Variants in C6 observed in about 807,000 individuals in gnomAD.
The protein encoded by C6 is complement C6.
Under a neutral mutation model 112.9 loss-of-function variants are expected in C6, and 101 were observed. The ratio of observed to expected loss-of-function variants is 0.89; its 90% CI spans 0.76 to 1.06. The LOEUF is 1.06. C6 is among the 50% of genes least tolerant of loss of function. The pLI, the probability that C6 is intolerant of heterozygous loss-of-function variation, is 0.00. For missense variants in C6, 1,202 were observed against 1,104.6 expected (o/e 1.09, Z -1.25); for synonymous variants, 431 against 384.1 (o/e 1.12, Z -1.43).
chr5:41,252,514 T>G (rs547180796), intron 1 of C6, among the ~76,000 whole-genome samples: 1 of 152,312 alleles, frequency 6.6e-6, no homozygotes, highest in East Asian at 1.9e-4. Flanking sequence ...CTGATATAGA[T>G]AGCATCTAAT....
upstream of C6, among the ~76,000 whole-genome samples, chr5:41,216,878 A>C (rs1752213697): frequency 6.6e-6 from 1 of 152,132 alleles, no homozygotes; most frequent in African/African-American, 2.4e-5. Flanking sequence ...TCTCAGTGTT[A>C]TTCTTTTAAG....
chr5:41,148,905 G>A (rs1458940375), intron 17 of C6, among the ~76,000 whole-genome samples: 1 of 152,176 alleles, frequency 6.6e-6, no homozygotes, highest in African/African-American at 2.4e-5. Context: ...AGGAAACTTA[G>A]ACAATTCTGG....
chr5:41,234,016 T>C lies in C6; in HGVS notation c.-21+27178A>G, dbSNP rs113958772. Among the ~76,000 whole-genome samples, 837 of 152,226 alleles carry C rather than the reference T, an allele frequency of 5.5e-3. 6 individuals are homozygous for C. The highest frequency in any genetic ancestry group is 0.019 in the African/African-American group (796 of 41,568). The stretch of plus-strand genomic sequence containing the variant: ...AATATTAAAATAAAAACCTTCAAAG[T>C]ATTGCTATATATGATACATAGATGA... On this transcript the variant is annotated intron_variant, in intron 1 of 17. Transcript: ENST00000263413.
intron 1 of C6, among the ~76,000 whole-genome samples, chr5:41,243,313 T>C (rs916887903): frequency 1.3e-5 from 2 of 152,240 alleles, no homozygotes; most frequent in Admixed American, 6.5e-5. Flanking sequence ...ATTTTTATTG[T>C]GTGATTTTTA....
At chr5:41,217,771 C>G (rs6414892), upstream of C6, among the ~76,000 whole-genome samples, 132,979 of 152,016 alleles carry the variant, frequency 0.87, 58,271 homozygotes, top group Admixed American at 0.93. Context: ...TAGGATTATA[C>G]AGAAACTTAG....
At chr5:41,181,651 G>A in intron 6 of C6, 92 bp from the exon 7 acceptor site, 1 of 1,056,136 alleles carries the variant, frequency 9.5e-7, no homozygotes, top group South Asian at 1.4e-5. Flanking sequence ...ATTTATTTAT[G>A]CACTCAGCCA....
At chr5:41,145,892 G>A (rs1412252058) in intron 17 of C6, among the ~76,000 whole-genome samples, 2 of 152,092 alleles carry the variant, frequency 1.3e-5, no homozygotes, top group Non-Finnish European at 2.9e-5. Context: ...AATGTTCTTT[G>A]CTTAATTATT....
chr5:41,215,165 G>A (rs563389643), upstream of C6, among the ~76,000 whole-genome samples: 86 of 152,222 alleles, frequency 5.6e-4, no homozygotes, highest in African/African-American at 1.9e-3. Flanking sequence ...TAGGAATAAA[G>A]TCACACAATT....
intron 1 of C6, among the ~76,000 whole-genome samples, chr5:41,209,920 G>T (rs1751758458): frequency 6.6e-6 from 1 of 152,096 alleles, no homozygotes; most frequent in Non-Finnish European, 1.5e-5. Context: ...ACAATCCTAA[G>T]CCAAAAGAAC....
intron 1 of C6, among the ~76,000 whole-genome samples, chr5:41,239,823 C>A (rs1334963529): frequency 6.6e-6 from 1 of 152,068 alleles, no homozygotes; most frequent in Non-Finnish European, 1.5e-5. Flanking sequence ...TCAGTTTTTG[C>A]TTGTCTAGGA....
upstream of C6, among the ~76,000 whole-genome samples, chr5:41,214,396 G>A (rs1382071064): frequency 6.6e-6 from 1 of 152,048 alleles, no homozygotes. Context: ...AACACAGCTG[G>A]GAACCCACCA....
intron 6 of C6, among the ~76,000 whole-genome samples, chr5:41,183,760 G>C (rs1231074258): frequency 6.6e-6 from 1 of 152,146 alleles, no homozygotes; most frequent in African/African-American, 2.4e-5. Context: ...ATTGGATAAA[G>C]ATAATGTGGT....
chr5:41,204,555 A>G (rs981324739), intron 1 of C6, among the ~76,000 whole-genome samples: 88 of 152,170 alleles, frequency 5.8e-4, no homozygotes, highest in African/African-American at 2.1e-3. Context: ...GGGGTTCATC[A>G]TTTGATAAAT....
At position 41,203,189 on chromosome 5, in the gene C6, A is replaced by C. The variant is rs369644769; in HGVS notation, c.42T>G (p.Ala14=). 4 of 1,614,022 alleles carry C rather than the reference A, an allele frequency of 2.5e-6. No homozygotes were observed. The African/African-American group carries it at 5.3e-5, about 22-fold the overall frequency. The part of the protein sequence containing the change: ...RSVLYFILLN[A]LINKGQACFC... ...AGCAGGCTTGGCCCTTGTTGATCAG[A>C]GCATTCAGCAGGATGAAGTACAAGA... Residue 14 remains alanine, a synonymous_variant, in exon 2 of 18, where the codon GCT becomes GCG. Transcript: ENST00000337836.
At chr5:41,193,054 A>C (rs1233980189) in intron 5 of C6, among the ~76,000 whole-genome samples, 2 of 152,198 alleles carry the variant, frequency 1.3e-5, no homozygotes, top group Non-Finnish European at 2.9e-5. Flanking sequence ...CATCTCAATA[A>C]GGCTGTTTTT....
At chr5:41,163,230 C>A (rs1275260922) in intron 9 of C6, among the ~76,000 whole-genome samples, 1 of 150,298 alleles carries the variant, frequency 6.7e-6, no homozygotes, top group Non-Finnish European at 1.5e-5. Flanking sequence ...GAAGCCACAT[C>A]GTAAGATGAA....
intron 1 of C6, among the ~76,000 whole-genome samples, chr5:41,208,604 T>C (rs2150383539): frequency 6.6e-6 from 1 of 152,202 alleles, no homozygotes; most frequent in East Asian, 1.9e-4. Context: ...TCTACACAAA[T>C]AAACTAGAAA....
chr5:41,238,245 A>G (rs904193677), intron 1 of C6, among the ~76,000 whole-genome samples: 1 of 138,772 alleles, frequency 7.2e-6, no homozygotes, highest in Non-Finnish European at 1.5e-5. Flanking sequence ...GTTCATATGG[A>G]ACCAAAAAAG....
At chr5:41,226,703 C>G (rs1739530493) in intron 1 of C6, among the ~76,000 whole-genome samples, 1 of 152,130 alleles carries the variant, frequency 6.6e-6, no homozygotes, top group Non-Finnish European at 1.5e-5. Context: ...TGAGATCACA[C>G]AATGTTTGTC....
Sources: gnomAD v4.1 joint callset for allele counts (sites outside exome capture counted in the v4.1 genomes callset) on GRCh38, gnomAD v4.1.1 for gene constraint, MANE v1.5 for transcripts, NCBI Gene and HGNC (gene_info 2026-07-23, HGNC 2026-07-21) for gene names.